The following DNAH7 variants were observed in gnomAD, a reference collection of about 807,000 sequenced individuals.
DNAH7 encodes the protein dynein axonemal heavy chain 7, also known as axonemal beta dynein heavy chain 7.
Under a neutral mutation model 444.6 loss-of-function variants are expected in DNAH7, and 397 were observed. The ratio of observed to expected loss-of-function variants is 0.89; its 90% CI spans 0.82 to 0.97. The LOEUF (loss-of-function observed/expected upper bound fraction) is 0.97, where lower values mean the gene tolerates loss of function less well. DNAH7 is among the 50% of genes least tolerant of loss of function. The probability of loss-of-function intolerance (pLI) is 0.00; values close to 1 mark genes in which losing one functional copy is unlikely to be tolerated. For synonymous variants in DNAH7, 1,636 were observed against 1,624.4 expected, an observed-to-expected ratio of 1.01 and a Z score of -0.17; for missense variants, 4,902 against 4,800.8, an observed-to-expected ratio of 1.02 and a Z score of -0.62.
intron 1 of DNAH7, among the ~76,000 whole-genome samples, chr2:196,061,033 C>G (rs1481298766): frequency 6.6e-6 from 1 of 152,050 alleles, no homozygotes; most frequent in African/African-American, 2.4e-5. Context: ...ATGTATAAAT[C>G]GTAGAATGGC....
At chr2:195,878,991 C>T (rs1701214777) in intron 36 of DNAH7, among the ~76,000 whole-genome samples, 1 of 152,030 alleles carries the variant, frequency 6.6e-6, no homozygotes, top group South Asian at 2.1e-4. Context: ...TTAGAAAAAA[C>T]CTTAGTGTTT....
intron 1 of DNAH7, 105 bp downstream of exon 1, chr2:196,068,592 A>G: frequency 7.0e-7 from 1 of 1,432,122 alleles, no homozygotes; most frequent in Non-Finnish European, 9.5e-7. Flanking sequence ...TACACCGCGG[A>G]GTCACAGCTG....
intron 61 of DNAH7, among the ~76,000 whole-genome samples, chr2:195,759,263 C>A (rs897281923): frequency 3.9e-5 from 6 of 152,138 alleles, no homozygotes; most frequent in African/African-American, 1.4e-4. Flanking sequence ...AGCCCTGGCT[C>A]CTGGACAATA....
At chr2:195,791,641 T>A (rs1559099094) in intron 57 of DNAH7, among the ~76,000 whole-genome samples, 1 of 152,090 alleles carries the variant, frequency 6.6e-6, no homozygotes, top group Non-Finnish European at 1.5e-5. Context: ...AGCAAAGACA[T>A]GGAATCAACC....
chr2:195,958,225 T>TTCC (rs959769593), intron 18 of DNAH7, among the ~76,000 whole-genome samples: 19 of 152,144 alleles, frequency 1.2e-4, no homozygotes, highest in African/African-American at 3.9e-4. Context: ...ACCCCTCCTC[T>TTCC]TCCTCCTCCT....
rs374851744 is a variant in DNAH7, at chr2:195,897,649, G to A, written c.4647+18C>T. On this transcript the variant is annotated intron_variant, in intron 29 of 64. Coordinates refer to ENST00000312428, the MANE Select transcript of DNAH7 (RefSeq NM_018897.3). ...TATTATAAGAGTTTTGATGCATTGG[G>A]ATAATGAATGTTCTTACCTCAAAGA... The A allele has an allele frequency of 1.6e-5, 22 of 1,408,878 alleles. No individual in the cohort carries two copies. Among genetic ancestry groups the A allele is most frequent in the Admixed American group, 5.8e-5 (3 of 51,622 alleles). 87.3% of individuals were successfully genotyped at this position (1,408,878 alleles called of 1,614,324 possible).
chr2:195,954,261 A>C (rs1432627354), intron 19 of DNAH7, among the ~76,000 whole-genome samples: 1 of 152,002 alleles, frequency 6.6e-6, no homozygotes, highest in East Asian at 1.9e-4. Flanking sequence ...CCCACCTATG[A>C]GTGAGAACAT....
chr2:195,796,152 G>A (rs1415122980), intron 56 of DNAH7, among the ~76,000 whole-genome samples: 2 of 152,228 alleles, frequency 1.3e-5, no homozygotes, highest in African/African-American at 4.8e-5. Flanking sequence ...CTGGCCAAGT[G>A]GGAGAGAAGT....
chr2:196,029,726 G>T (rs1427433301), intron 5 of DNAH7, among the ~76,000 whole-genome samples: 1 of 152,136 alleles, frequency 6.6e-6, no homozygotes, highest in Non-Finnish European at 1.5e-5. Flanking sequence ...GGAAGAATTT[G>T]CCCTTCCATA....
At chr2:195,805,404 A>T (rs1696664410) in intron 54 of DNAH7, among the ~76,000 whole-genome samples, 1 of 152,168 alleles carries the variant, frequency 6.6e-6, no homozygotes, top group Admixed American at 6.5e-5. Flanking sequence ...AGTGTGAAGC[A>T]TCTCATATTC....
chr2:195,980,314 G>A (rs1692489174), intron 15 of DNAH7, among the ~76,000 whole-genome samples: 3 of 152,078 alleles, frequency 2.0e-5, no homozygotes, highest in Non-Finnish European at 4.4e-5. Flanking sequence ...CCTTCCTGCT[G>A]CCATGTGAAG....
At position 196,012,235 on chromosome 2, in the gene DNAH7, A is replaced by G. The variant is rs981698130; in HGVS notation, c.989+552T>C. Among the ~76,000 whole-genome samples, 6 of 152,278 alleles carry G rather than the reference A, an allele frequency of 3.9e-5. No homozygotes were observed. In the South Asian group the frequency reaches 1.0e-3, roughly 26 times the overall value. On this transcript the variant is annotated intron_variant, in intron 10 of 64. Coordinates refer to ENST00000312428, the MANE Select transcript of DNAH7 (RefSeq NM_018897.3). ...GAAACAATTTTCCTAAGTTGCTTCA[A>G]AGCATACTGTCTGATTCCCAGATTA...
intron 28 of DNAH7, 83 bp from the exon 29 acceptor site, chr2:195,897,848 C>CT: frequency 1.5e-6 from 1 of 660,868 alleles, no homozygotes; most frequent in Non-Finnish European, 2.6e-6. Context: ...ACACACAAAC[C>CT]TACAGACCCT....
intron 63 of DNAH7, among the ~76,000 whole-genome samples, chr2:195,744,052 G>A (rs1229325453): frequency 1.3e-5 from 2 of 152,242 alleles, no homozygotes; most frequent in African/African-American, 4.8e-5. Context: ...ACCCGAAGCA[G>A]GGCAAGGCAT....
At chr2:195,949,638 T>C (rs1690080590) in intron 19 of DNAH7, among the ~76,000 whole-genome samples, 1 of 152,120 alleles carries the variant, frequency 6.6e-6, no homozygotes, top group East Asian at 1.9e-4. Flanking sequence ...TCCAATACTA[T>C]GTTGAATAGG....
chr2:195,889,156 TATA>T (rs1333238929), intron 31 of DNAH7, among the ~76,000 whole-genome samples, 175 bp from the exon 32 acceptor site: 2 of 152,184 alleles, frequency 1.3e-5, no homozygotes, highest in African/African-American at 4.8e-5. Flanking sequence ...CACAGATGTA[TATA>T]ATATGTATCA....
chr2:196,033,443 C>CAT (rs1279007919), intron 5 of DNAH7, among the ~76,000 whole-genome samples: 1 of 152,146 alleles, frequency 6.6e-6, no homozygotes, highest in African/African-American at 2.4e-5. Flanking sequence ...CTTTAACCAT[C>CAT]ATCTCCCCAT....
Position 195,888,816 on chromosome 2 carries a change from C to A in DNAH7, c.5212G>T (p.Val1738Phe), listed in dbSNP as rs757646832. Residue 1738 changes from valine (V) to phenylalanine (F), a missense_variant, in exon 32 of 65, where the codon GTT becomes TTT. Val to Phe is a conservative substitution (Grantham distance 50). Transcript: ENST00000312428. ...NLIFEPMDLE[V>F]ASPATVSRCG... ...GAACTTACAGTGGCAGGGGAAGCAA[C>A]TTCTAAATCCATTGGCTCAAAAATT... The A allele has an allele frequency of 2.9e-5, 47 of 1,611,898 alleles. No individual in the cohort carries two copies. The highest frequency in any genetic ancestry group is 2.8e-5 in the Non-Finnish European group (33 of 1,179,350).
At chr2:195,924,762 A>G (rs1356546904) in intron 22 of DNAH7, among the ~76,000 whole-genome samples, 1 of 152,188 alleles carries the variant, frequency 6.6e-6, no homozygotes, top group East Asian at 1.9e-4. Flanking sequence ...ATGCTAATAA[A>G]CAAAACATTG....
Sources: allele counts gnomAD v4.1 joint callset (sites outside exome capture counted in the v4.1 genomes callset), GRCh38; gene constraint gnomAD v4.1.1; transcripts MANE v1.5; gene names NCBI Gene and HGNC (gene_info 2026-07-23, HGNC 2026-07-21).